MAN1A2: variants seen among roughly 807,000 people sequenced by gnomAD.
MAN1A2 encodes the protein mannosidase alpha class 1A member 2.
MAN1A2 carries 26 observed loss-of-function variants against 75.7 expected under a neutral mutation model. The ratio of observed to expected loss-of-function variants is 0.34; its 90% CI spans 0.25 to 0.48. The LOEUF is 0.48. Among genes scored for constraint, MAN1A2 ranks in the 20% least tolerant of loss-of-function variants. The pLI is 0.99. For missense variants in MAN1A2, 562 were observed against 775.5 expected (o/e 0.72, Z 3.27); for synonymous variants, 247 against 264.6 (o/e 0.93, Z 0.65).
chr1:117,433,042 TATTA>T (rs750237693), intron 5 of MAN1A2, among the ~76,000 whole-genome samples: 59 of 151,614 alleles, frequency 3.9e-4, no homozygotes, highest in African/African-American at 1.2e-3. Context: ...TAATTAATCA[TATTA>T]ATTAACAATA....
chr1:117,369,766 A>G (rs1300754776), intron 1 of MAN1A2, among the ~76,000 whole-genome samples: 1 of 152,206 alleles, frequency 6.6e-6, no homozygotes, highest in Non-Finnish European at 1.5e-5. Context: ...ACTTTAAGAA[A>G]ACACTAATAT....
intron 5 of MAN1A2, among the ~76,000 whole-genome samples, chr1:117,432,453 T>C (rs1439106649): frequency 2.0e-5 from 3 of 152,234 alleles, no homozygotes; most frequent in Non-Finnish European, 1.5e-5. Flanking sequence ...TAGGCTATCA[T>C]TGCAGATTCC....
rs2101812344 is a variant in MAN1A2 at position 117,441,449 on chromosome 1, A to T, written c.856-782A>T. Among the ~76,000 whole-genome samples, 3 of 152,308 alleles carry T rather than the reference A, an allele frequency of 2.0e-5. No homozygotes were observed. In the South Asian group the frequency reaches 6.2e-4, roughly 32 times the overall value. ...ATTTGAGAGGGGATAGACTTGATGC[A>T]TATAAGAGAATGTGCTACTTTTCCT... On this transcript the variant is annotated intron_variant, in intron 5 of 12. Coordinates refer to ENST00000356554, the MANE Select transcript of MAN1A2 (RefSeq NM_006699.5).
chr1:117,439,025 G>C (rs1178324036), intron 5 of MAN1A2, among the ~76,000 whole-genome samples: 1 of 152,222 alleles, frequency 6.6e-6, no homozygotes, highest in Admixed American at 6.5e-5. Context: ...TTTGTGTGAA[G>C]ACCTGAAGGA....
chr1:117,521,802 T>A (rs1651878689), intron 12 of MAN1A2, among the ~76,000 whole-genome samples: 1 of 151,848 alleles, frequency 6.6e-6, no homozygotes, highest in Non-Finnish European at 1.5e-5. Flanking sequence ...AATCAATGAG[T>A]GGATAAAGAA....
intron 1 of MAN1A2, among the ~76,000 whole-genome samples, chr1:117,373,796 A>G (rs898639554): frequency 4.6e-5 from 7 of 152,110 alleles, no homozygotes; most frequent in Admixed American, 2.0e-4. Context: ...ACCCAACCGA[A>G]TCTTATTTTT....
intron 6 of MAN1A2, among the ~76,000 whole-genome samples, chr1:117,453,112 A>G (rs1319276644): frequency 6.6e-6 from 1 of 152,156 alleles, no homozygotes; most frequent in Non-Finnish European, 1.5e-5. Flanking sequence ...GCTAAGCAAA[A>G]ATCTCTTTCA....
In MAN1A2 at chr1:117,526,965, T is replaced by C. The variant is rs1570814748; in HGVS notation, c.*4008T>C. 1 of 137,612 alleles carries C rather than the reference T, an allele frequency of 7.3e-6. No homozygotes were observed. The highest frequency in any genetic ancestry group is 2.3e-4 in the East Asian group (1 of 4,342). 8.5% of individuals were successfully genotyped at this position (137,612 alleles called of 1,614,324 possible). A position where few individuals can be genotyped will look rare whatever the true frequency, so the allele number is the denominator to read the frequency against. ...GATCTATATATGTATATAAATACAA[T>C]TATACACAGATAATTTTTAATACTC... On this transcript the variant is annotated 3_prime_UTR_variant, in exon 13 of 13. Coordinates refer to ENST00000356554, the MANE Select transcript of MAN1A2 (RefSeq NM_006699.5).
intron 3 of MAN1A2, among the ~76,000 whole-genome samples, chr1:117,412,921 G>C (rs1647869999): frequency 6.6e-6 from 1 of 151,836 alleles, no homozygotes; most frequent in African/African-American, 2.4e-5. Flanking sequence ...TATGTACTTA[G>C]AGGACTAAAT....
intron 5 of MAN1A2, among the ~76,000 whole-genome samples, chr1:117,437,652 T>C (rs1309716704): frequency 6.6e-6 from 1 of 152,128 alleles, no homozygotes. Flanking sequence ...CCTTGTGAAA[T>C]ACATTACTTA....
intron 4 of MAN1A2, among the ~76,000 whole-genome samples, chr1:117,416,122 A>G (rs925809873): frequency 6.6e-6 from 1 of 151,840 alleles, no homozygotes; most frequent in African/African-American, 2.4e-5. Context: ...ATGGAATTGA[A>G]TTTTTTTTAA....
At position 117,401,584 on chromosome 1, in the gene MAN1A2, A is replaced by C. The variant is rs76754120; in HGVS notation, c.303-602A>C. 2.6e-3 allele frequency among the ~76,000 whole-genome samples: 390 copies of C among 152,306 alleles called. 3 individuals carry two copies. The highest frequency in any genetic ancestry group is 8.9e-3 in the African/African-American group (372 of 41,578). On this transcript the variant is annotated intron_variant, in intron 1 of 12. Coordinates refer to ENST00000356554, the MANE Select transcript of MAN1A2 (RefSeq NM_006699.5). The stretch of plus-strand genomic sequence containing the variant: ...GTTTCCAAATCTGTGTGTACACCAG[A>C]ATCATCTGAGGAGCTCTTCATGATA...
At chr1:117,499,150 T>G (rs1651124529) in intron 10 of MAN1A2, among the ~76,000 whole-genome samples, 1 of 151,962 alleles carries the variant, frequency 6.6e-6, no homozygotes, top group Admixed American at 6.6e-5. Flanking sequence ...TTGATACACA[T>G]TATTCTGAGA....
intron 5 of MAN1A2, among the ~76,000 whole-genome samples, chr1:117,427,670 A>T (rs1648420463): frequency 6.6e-6 from 1 of 152,250 alleles, no homozygotes; most frequent in African/African-American, 2.4e-5. Context: ...AAATGTAGGC[A>T]TATCATGGTC....
intron 1 of MAN1A2, among the ~76,000 whole-genome samples, chr1:117,396,675 A>T (rs1365061181): frequency 6.6e-6 from 1 of 152,196 alleles, no homozygotes; most frequent in Non-Finnish European, 1.5e-5. Flanking sequence ...AATTATTGTG[A>T]AAACTCAAGG....
intron 4 of MAN1A2, among the ~76,000 whole-genome samples, chr1:117,415,718 G>A (rs1347806733): frequency 2.0e-5 from 3 of 151,944 alleles, no homozygotes; most frequent in African/African-American, 7.3e-5. Flanking sequence ...GCTGGTTTGG[G>A]TGGCTCCTTG....
intron 1 of MAN1A2, among the ~76,000 whole-genome samples, chr1:117,382,057 A>G (rs1302581020): frequency 2.6e-5 from 4 of 151,622 alleles, no homozygotes; most frequent in Admixed American, 2.0e-4. Context: ...AATTTGTTTG[A>G]GTTCATTGTA....
At chr1:117,454,795 G>T (rs1040589822) in intron 6 of MAN1A2, among the ~76,000 whole-genome samples, 2 of 152,102 alleles carry the variant, frequency 1.3e-5, no homozygotes, top group Non-Finnish European at 2.9e-5. Context: ...AGAAAAATTT[G>T]TTACCACAGT....
intron 8 of MAN1A2, among the ~76,000 whole-genome samples, chr1:117,491,542 G>A (rs998850691): frequency 2.0e-5 from 3 of 152,018 alleles, no homozygotes; most frequent in South Asian, 2.1e-4. Flanking sequence ...AGATGCCCAA[G>A]GAGATTAATG....
Sources: gnomAD v4.1 joint callset for allele counts (sites outside exome capture counted in the v4.1 genomes callset) on GRCh38, gnomAD v4.1.1 for gene constraint, MANE v1.5 for transcripts, NCBI Gene and HGNC (gene_info 2026-07-23, HGNC 2026-07-21) for gene names.